PPP1R37: variants seen among roughly 807,000 people sequenced by gnomAD.
PPP1R37 encodes protein phosphatase 1 regulatory subunit 37.
Under a neutral mutation model 61.0 loss-of-function variants are expected in PPP1R37, and 21 were observed. The observed-to-expected ratio is 0.34, with a 90% CI of 0.24 to 0.50. PPP1R37 has a LOEUF of 0.50. PPP1R37 is among the 20% of genes least tolerant of loss of function. The pLI, the probability that PPP1R37 is intolerant of heterozygous loss-of-function variation, is 0.98. For synonymous variants in PPP1R37, 443 were observed against 433.5 expected, an observed-to-expected ratio of 1.02 and a Z score of -0.27; for missense variants, 910 against 952.7, an observed-to-expected ratio of 0.96 and a Z score of 0.59.
chr19:45,116,119 C>G (rs906567171), intron 1 of PPP1R37, among the ~76,000 whole-genome samples: 2 of 152,192 alleles, frequency 1.3e-5, no homozygotes, highest in Admixed American at 6.5e-5. Context: ...GTGTGTGAGG[C>G]GCTGTGGCAT....
Position 45,140,095 on chromosome 19 carries a change from G to A in PPP1R37, c.301-141G>A, listed in dbSNP as rs997516322. The A allele has an allele frequency of 2.9e-5, 19 of 660,184 alleles. No homozygotes were observed. The African/African-American group carries it at 3.1e-4, about 11-fold the overall frequency. The allele number at this position is 660,184 out of a possible 1,614,324, so 40.9% of individuals were successfully genotyped here. ...GTACCCCAGGTTCCAGCTGGTGGGT[G>A]GCCTCTGAGCCTCTGTTCAGTGCCT... On this transcript the variant is annotated intron_variant, in intron 2 of 12. Coordinates refer to ENST00000221462, the MANE Select transcript of PPP1R37 (RefSeq NM_019121.2).
At chr19:45,117,291 A>T (rs1000480326) in intron 1 of PPP1R37, among the ~76,000 whole-genome samples, 1 of 151,960 alleles carries the variant, frequency 6.6e-6, no homozygotes, top group Non-Finnish European at 1.5e-5. Context: ...AAGCTGTCAG[A>T]GGGAGGGAAG....
intron 1 of PPP1R37, among the ~76,000 whole-genome samples, chr19:45,112,259 A>C (rs1421463373): frequency 9.0e-6 from 1 of 111,234 alleles, no homozygotes; most frequent in African/African-American, 3.4e-5. Context: ...ACAGGCATGG[A>C]TTCCTTCTGA....
At position 45,141,232 on chromosome 19, in the gene PPP1R37, C is replaced by G. The variant is rs527735967; in HGVS notation, c.448-90C>G. ...GGCTCTCTCCAGACCCTGGACCCAT[C>G]GTCTCTCGGTGGGGCCCGGTGTCAG... On this transcript the variant is annotated intron_variant, in intron 4 of 12. Coordinates refer to ENST00000221462, the MANE Select transcript of PPP1R37 (RefSeq NM_019121.2). 3.1e-5 allele frequency: 44 copies of G among 1,405,160 alleles called. No homozygotes were observed. In the African/African-American group the frequency reaches 5.9e-4, roughly 19 times the overall value. 87.0% of individuals were successfully genotyped at this position (1,405,160 alleles called of 1,614,324 possible).
At position 45,124,165 on chromosome 19, in the gene PPP1R37, G is replaced by A. The variant is rs899010844; in HGVS notation, c.203-14349G>A. ...AACTCAGAGGGGACAGGGCTGAGAC[G>A]GGGAGCCCAGAGGGTGGGGCCTGAC... On this transcript the variant is annotated intron_variant, in intron 1 of 12. Transcript: ENST00000221462. Among the ~76,000 whole-genome samples the A allele has an allele frequency of 6.6e-5, 10 of 152,238 alleles. No homozygotes were observed. In the South Asian group the frequency reaches 8.3e-4, roughly 13 times the overall value.
rs114578504 is a variant in PPP1R37, at chr19:45,093,275, C to T, written c.-51C>T. 123,714 of 1,324,368 alleles carry T rather than the reference C, an allele frequency of 0.093. 6,986 individuals carry two copies. The highest frequency in any genetic ancestry group is 0.26 in the African/African-American group (16,653 of 64,178). The allele number at this position is 1,324,368 out of a possible 1,614,324, so 82.0% of individuals were successfully genotyped here. A position where few individuals can be genotyped will look rare whatever the true frequency, so the allele number is the denominator to read the frequency against. On this transcript the variant is annotated 5_prime_UTR_variant, in exon 1 of 13. Coordinates refer to ENST00000221462, the MANE Select transcript of PPP1R37 (RefSeq NM_019121.2). ...GGCGGGCGGACCCGGAGAGACAAAT[C>T]CGGGGCCCGGGGCATGTCCCCGGGG...
At chr19:45,143,757 T>C in intron 8 of PPP1R37, 124 bp downstream of exon 8, 1 of 575,892 alleles carries the variant, frequency 1.7e-6, no homozygotes, top group South Asian at 2.1e-5. Context: ...TTCAAGACGA[T>C]TTAAACTCAG....
intron 1 of PPP1R37, among the ~76,000 whole-genome samples, chr19:45,127,755 T>C (rs1324039541): frequency 6.6e-6 from 1 of 152,022 alleles, no homozygotes; most frequent in East Asian, 1.9e-4. Flanking sequence ...GGTGGGTGGA[T>C]CATGAGGTCA....
intron 7 of PPP1R37, 46 bp from the exon 8 acceptor site, chr19:45,143,475 A>G (rs1041622090): frequency 6.6e-6 from 8 of 1,211,526 alleles, no homozygotes; most frequent in Admixed American, 2.0e-5. Context: ...CCTCCCCAGG[A>G]AGCACCCGGA....
chr19:45,146,245 T>TGTAA (rs72019726), intron 11 of PPP1R37, 145 bp from the exon 12 acceptor site: 335,767 of 858,220 alleles, frequency 0.39, 69,258 homozygotes, highest in South Asian at 0.4. Flanking sequence ...TGGGGGGGCA[T>TGTAA]GTAAGGTGTG....
intron 1 of PPP1R37, among the ~76,000 whole-genome samples, chr19:45,115,407 G>A (rs924367883): frequency 2.2e-4 from 34 of 152,088 alleles, no homozygotes; most frequent in Non-Finnish European, 1.5e-5. Context: ...ATCTCCCTGC[G>A]CCTCAGTTTC....
Position 45,130,346 on chromosome 19 carries a change from C to T in PPP1R37, c.203-8168C>T, listed in dbSNP as rs1445684451. Among the ~76,000 whole-genome samples the T allele has an allele frequency of 6.6e-6, 1 of 152,174 alleles. No individual in the cohort carries two copies. The highest frequency in any genetic ancestry group is 2.4e-5 in the African/African-American group (1 of 41,416). Reference sequence around the variant, plus strand: ...CTCTGCCCCTCGCCCCCAGTGGCTCCGGTCTCCTGCAGAATGAGAGCGAAG... The same window carrying T: ...CTCTGCCCCTCGCCCCCAGTGGCTCTGGTCTCCTGCAGAATGAGAGCGAAG... On this transcript the variant is annotated intron_variant, in intron 1 of 12. Coordinates refer to ENST00000221462, the MANE Select transcript of PPP1R37 (RefSeq NM_019121.2). This position sits in a 1 kb window ranked among gnomAD's most constrained non-coding sequence, Gnocchi z 4.4.
intron 2 of PPP1R37, 126 bp from the exon 3 acceptor site, chr19:45,140,110 G>C: frequency 1.3e-6 from 1 of 789,762 alleles, no homozygotes; most frequent in South Asian, 1.6e-5. Context: ...CTGAGCCTCT[G>C]TTCAGTGCCT....
At chr19:45,120,709 G>T (rs531085490) in intron 1 of PPP1R37, among the ~76,000 whole-genome samples, 4 of 151,898 alleles carry the variant, frequency 2.6e-5, no homozygotes, top group African/African-American at 9.7e-5. Context: ...TGCAACATCC[G>T]CCTCCCAGGT....
chr19:45,132,924 AACTC>A (rs1360445729), intron 1 of PPP1R37, among the ~76,000 whole-genome samples: 3 of 152,082 alleles, frequency 2.0e-5, no homozygotes, highest in Non-Finnish European at 1.5e-5. Flanking sequence ...GGACCCTACT[AACTC>A]ACTCACTCGC....
chr19:45,118,149 C>T (rs1968294352), intron 1 of PPP1R37, among the ~76,000 whole-genome samples: 2 of 152,238 alleles, frequency 1.3e-5, no homozygotes, highest in African/African-American at 4.8e-5. Flanking sequence ...GCAGCCCTCC[C>T]CTCAGGCTGG....
intron 1 of PPP1R37, among the ~76,000 whole-genome samples, chr19:45,125,596 G>A (rs1040017141): frequency 2.0e-5 from 3 of 152,232 alleles, no homozygotes; most frequent in African/African-American, 7.2e-5. Flanking sequence ...AGTGGGAAGA[G>A]AGCTCCTCTT....
At chr19:45,093,583 G>A (rs1967952075) in intron 1 of PPP1R37, 56 bp downstream of exon 1, 1 of 1,431,200 alleles carries the variant, frequency 7.0e-7, no homozygotes, top group African/African-American at 1.4e-5. Context: ...GAGTCGGGAG[G>A]GATCGGTGCA....
chr19:45,094,430 A>G (rs774916562), intron 1 of PPP1R37, among the ~76,000 whole-genome samples: 3 of 152,188 alleles, frequency 2.0e-5, no homozygotes, highest in African/African-American at 4.8e-5. Context: ...CCTTCCTGAG[A>G]AAGAATTGGG....
Sources: gnomAD v4.1 joint callset for allele counts (sites outside exome capture counted in the v4.1 genomes callset) on GRCh38, gnomAD v4.1.1 for gene constraint, Gnocchi (gnomAD v3.1) non-coding constraint, MANE v1.5 for transcripts, NCBI Gene and HGNC (gene_info 2026-07-23, HGNC 2026-07-21) for gene names.